The following PHF14 variants were observed in gnomAD, a reference collection of about 807,000 sequenced individuals.
The protein encoded by PHF14 is PHD finger protein 14.
In PHF14, 55 loss-of-function variants were observed where a neutral mutation model predicts 117.9. The ratio of observed to expected loss-of-function variants is 0.47; its 90% CI spans 0.38 to 0.58. The LOEUF (loss-of-function observed/expected upper bound fraction) is 0.58, where lower values mean the gene tolerates loss of function less well. Among genes scored for constraint, PHF14 ranks in the 20% least tolerant of loss-of-function variants. The pLI is 0.00. For synonymous variants in PHF14, 409 were observed against 368.6 expected, an observed-to-expected ratio of 1.11 and a Z score of -1.26; for missense variants, 978 against 1,122.2, an observed-to-expected ratio of 0.87 and a Z score of 1.84.
chr7:11,064,486 T>A (rs1222879286), intron 16 of PHF14, among the ~76,000 whole-genome samples: 2 of 151,986 alleles, frequency 1.3e-5, no homozygotes, highest in Non-Finnish European at 2.9e-5. Flanking sequence ...TTAAACTTCA[T>A]GGGTCACAAT....
At chr7:11,091,444 T>G (rs1410426606) in intron 16 of PHF14, among the ~76,000 whole-genome samples, 1 of 152,080 alleles carries the variant, frequency 6.6e-6, no homozygotes, top group Non-Finnish European at 1.5e-5. Flanking sequence ...AGAAAGCATT[T>G]AAAATTATGG....
chr7:10,992,999 C>T (rs747768340), intron 4 of PHF14, among the ~76,000 whole-genome samples: 5 of 151,844 alleles, frequency 3.3e-5, no homozygotes, highest in African/African-American at 7.3e-5. Flanking sequence ...TGCTTTTGGC[C>T]GGAATACCAC....
At chr7:11,001,292 C>T (rs1782863795) in intron 4 of PHF14, among the ~76,000 whole-genome samples, 1 of 152,134 alleles carries the variant, frequency 6.6e-6, no homozygotes, top group South Asian at 2.1e-4. Context: ...GTCTTGATTA[C>T]TGCAGCTTCA....
intron 17 of PHF14, among the ~76,000 whole-genome samples, chr7:11,138,899 G>C (rs1043994791): frequency 1.3e-5 from 2 of 152,156 alleles, no homozygotes; most frequent in Non-Finnish European, 2.9e-5. Flanking sequence ...CCAGCAGATG[G>C]TTGTTACATT....
chr7:11,013,724 C>T, intron 4 of PHF14, 23 bp from the exon 5 acceptor site: 1 of 1,361,034 alleles, frequency 7.3e-7, no homozygotes, highest in South Asian at 1.5e-5. Flanking sequence ...CCTATTTAAT[C>T]ATAGTGTTTT....
At chr7:11,035,855 G>A in intron 8 of PHF14, 69 bp downstream of exon 8, 2 of 1,199,366 alleles carry the variant, frequency 1.7e-6, no homozygotes, top group Non-Finnish European at 2.4e-6. Flanking sequence ...CGTCTCGTGT[G>A]GCTTCCAGTG....
rs543481951 is a variant in PHF14, at chr7:11,006,005, G to T, written c.1046-7742G>T. 5.3e-5 allele frequency among the ~76,000 whole-genome samples: 8 copies of T among 152,082 alleles called. No homozygotes were observed. The East Asian group carries it at 1.5e-3, about 29-fold the overall frequency. On this transcript the variant is annotated intron_variant, in intron 4 of 17. Transcript: ENST00000634607. ...GACGGGGTTTCACCATGTTGGCCAG[G>T]TTGGTCTCGATCTCCAGACCTCATG...
intron 4 of PHF14, among the ~76,000 whole-genome samples, chr7:10,995,324 T>A (rs1562566592): frequency 6.7e-6 from 1 of 149,368 alleles, no homozygotes; most frequent in Non-Finnish European, 1.5e-5. Context: ...AGATACAGAG[T>A]GCTGATTGGT....
intron 14 of PHF14, among the ~76,000 whole-genome samples, chr7:11,052,198 T>C (rs1457133420): frequency 1.3e-5 from 2 of 152,170 alleles, no homozygotes; most frequent in African/African-American, 4.8e-5. Context: ...TAATACATGG[T>C]TTATTTTTGT....
At chr7:11,103,390 G>C in intron 16 of PHF14, 1 of 977,328 alleles carries the variant, frequency 1.0e-6, no homozygotes, top group Non-Finnish European at 1.2e-6. Flanking sequence ...GAAGTACAAA[G>C]ATTATTGACT....
intron 4 of PHF14, among the ~76,000 whole-genome samples, chr7:10,997,086 A>G (rs909100556): frequency 1.9e-4 from 29 of 152,212 alleles, no homozygotes; most frequent in African/African-American, 6.3e-4. Context: ...TATTAGATAC[A>G]TCTTGGTCCT....
In PHF14 at chr7:10,974,270, G is replaced by T; in HGVS notation, c.-54G>T. The T allele has an allele frequency of 6.5e-7, 1 of 1,541,538 alleles. No individual in the cohort carries two copies. Among genetic ancestry groups the T allele is most frequent in the Non-Finnish European group, 8.8e-7 (1 of 1,131,466 alleles). On this transcript the variant is annotated 5_prime_UTR_variant, in exon 1 of 18. Coordinates refer to ENST00000634607, the MANE Select transcript of PHF14 (RefSeq NM_001007157.2). ...AGTCCCCGACCTCGGCGCTGCCTGG[G>T]CTCCTGCAGCCTCTCCCTAAGTCTT...
chr7:10,996,802 G>A (rs1020618178), intron 4 of PHF14, among the ~76,000 whole-genome samples: 1 of 152,134 alleles, frequency 6.6e-6, no homozygotes, highest in Non-Finnish European at 1.5e-5. Flanking sequence ...CTAATGCTGC[G>A]GTTGTGAGAA....
intron 13 of PHF14, among the ~76,000 whole-genome samples, chr7:11,044,803 T>C (rs1489503964): frequency 6.6e-6 from 1 of 152,174 alleles, no homozygotes; most frequent in African/African-American, 2.4e-5. Context: ...AAACGCAGGT[T>C]GAGTATCCCT....
rs1195722028 is a variant in PHF14 at position 11,130,489 on chromosome 7, T to G, written c.2772+19022T>G. On this transcript the variant is annotated intron_variant, in intron 17 of 17. Transcript: ENST00000634607. This position sits in a 1 kb window ranked among gnomAD's most constrained non-coding sequence, Gnocchi z 4.2. ...CTTTGCTTTTTTAAAAATAGCCTTT[T>G]GGTAGTATTTTTGATTTTTTTGTTT... Among the ~76,000 whole-genome samples, 1 of 152,022 alleles carries G rather than the reference T, an allele frequency of 6.6e-6. No individual in the cohort carries two copies. Among genetic ancestry groups the G allele is most frequent in the Non-Finnish European group, 1.5e-5 (1 of 67,934 alleles).
In PHF14 at chr7:11,028,809, G is replaced by A. The variant is rs749478815; in HGVS notation, c.1446G>A (p.Ala482=). 6.8e-6 allele frequency: 11 copies of A among 1,613,564 alleles called. No homozygotes were observed. Among genetic ancestry groups the A allele is most frequent in the South Asian group, 2.2e-5 (2 of 91,036 alleles). The change falls in exon 7 of 18, where the codon GCG becomes GCA. Residue 482 remains alanine (A), a synonymous_variant. Coordinates refer to ENST00000634607, the MANE Select transcript of PHF14 (RefSeq NM_001007157.2). ...AQKEGLLSEA[A]AEEDIADPFF... ...AGGAAGGTCTGCTTTCAGAGGCAGC[G>A]GCGGAAGAGGTAGGTTTATTTAAAC... is the stretch of plus-strand genomic sequence containing the variant.
intron 16 of PHF14, chr7:11,102,866 C>T: frequency 8.7e-7 from 1 of 1,149,756 alleles, no homozygotes; most frequent in South Asian, 2.6e-5. Flanking sequence ...GTCTTTCCCT[C>T]TTGCTTCTTT....
At chr7:11,055,193 A>T (rs1784977423) in intron 14 of PHF14, among the ~76,000 whole-genome samples, 1 of 152,200 alleles carries the variant, frequency 6.6e-6, no homozygotes, top group Non-Finnish European at 1.5e-5. Flanking sequence ...TTAGGCAAGG[A>T]AATTAATTTT....
intron 12 of PHF14, among the ~76,000 whole-genome samples, chr7:11,041,363 G>A (rs186537753): frequency 6.6e-6 from 1 of 151,818 alleles, no homozygotes; most frequent in East Asian, 1.9e-4. Context: ...AATAGGTTAC[G>A]ATCTCACTTT....
Sources: gnomAD v4.1 joint callset for allele counts (sites outside exome capture counted in the v4.1 genomes callset) on GRCh38, gnomAD v4.1.1 for gene constraint, Gnocchi (gnomAD v3.1) non-coding constraint, MANE v1.5 for transcripts, NCBI Gene and HGNC (gene_info 2026-07-23, HGNC 2026-07-21) for gene names.